The following CLIC5 variants were observed in gnomAD, a reference collection of about 807,000 sequenced individuals.
CLIC5 encodes the protein chloride intracellular channel protein 5.
A neutral mutation model predicts 24.7 loss-of-function variants in CLIC5; 20 were observed. The observed-to-expected ratio is 0.81, with a 90% CI of 0.57 to 1.18. CLIC5 has a LOEUF of 1.18. Ranked by LOEUF, CLIC5 falls within the 50% of genes most tolerant of loss-of-function variation. The probability of loss-of-function intolerance (pLI) is 0.00; values close to 1 mark genes in which losing one functional copy is unlikely to be tolerated. For synonymous variants in CLIC5, 159 were observed against 135.6 expected, an observed-to-expected ratio of 1.17 and a Z score of -1.20; for missense variants, 341 against 326.1, an observed-to-expected ratio of 1.05 and a Z score of -0.35.
chr6:45,892,071 T>C (rs2127284188), intron 6 of CLIC5: 2 of 152,312 alleles, frequency 1.3e-5, no homozygotes, highest in East Asian at 1.9e-4. Context: ...TTCATGACTT[T>C]ATGTTTGATC....
At chr6:46,123,168 A>G in the CLIC5 span, 2 of 152,268 alleles carry the variant, frequency 1.3e-5, no homozygotes, top group African/African-American at 4.8e-5. Flanking sequence ...ATGAATATCA[A>G]TGCAAAAATC....
At chr6:46,057,982 A>G (rs1768307462) in intron 1 of CLIC5, among the ~76,000 whole-genome samples, 1 of 152,110 alleles carries the variant, frequency 6.6e-6, no homozygotes, top group Non-Finnish European at 1.5e-5. Flanking sequence ...CAACTCACAC[A>G]TTGAGTTGTG....
At chr6:46,105,751 G>A in the CLIC5 span, among the ~76,000 whole-genome samples, 15 of 152,088 alleles carry the variant, frequency 9.9e-5, no homozygotes, top group Admixed American at 9.8e-4. Flanking sequence ...TTTGGCCTTG[G>A]GGATGCCAAG....
At chr6:46,014,082 C>T (rs1766904686) in intron 1 of CLIC5, among the ~76,000 whole-genome samples, 1 of 152,074 alleles carries the variant, frequency 6.6e-6, no homozygotes, top group South Asian at 2.1e-4. Context: ...CACACAGGGG[C>T]CACAGTGGGA....
At chr6:46,097,323 T>C in the CLIC5 span, 1 of 152,200 alleles carries the variant, frequency 6.6e-6, no homozygotes, top group Non-Finnish European at 1.5e-5. Flanking sequence ...TTCTGTATGC[T>C]GGAAATTTTT....
the CLIC5 span, among the ~76,000 whole-genome samples, chr6:46,094,997 C>G: frequency 4.6e-5 from 7 of 152,246 alleles, no homozygotes; most frequent in Non-Finnish European, 8.8e-5. Context: ...TGTGCACCCA[C>G]AGACTTAACA....
At chr6:46,115,832 T>C in the CLIC5 span, among the ~76,000 whole-genome samples, 1 of 152,238 alleles carries the variant, frequency 6.6e-6, no homozygotes. Flanking sequence ...ATGGCATTTA[T>C]GCCAGGTCAG....
At chr6:45,909,249 C>A (rs1031914604) in intron 5 of CLIC5, among the ~76,000 whole-genome samples, 26 of 152,078 alleles carry the variant, frequency 1.7e-4, no homozygotes, top group African/African-American at 6.3e-4. Context: ...CACTCTATGT[C>A]TTTCAAGTGG....
At chr6:46,006,002 A>T (rs1272723749) in intron 1 of CLIC5, among the ~76,000 whole-genome samples, 142 of 107,400 alleles carry the variant, frequency 1.3e-3, no homozygotes, top group African/African-American at 4.4e-3. Flanking sequence ...ATATATATTT[A>T]TATATATATA....
chr6:46,022,215 T>C (rs72857000), intron 1 of CLIC5, among the ~76,000 whole-genome samples: 6,188 of 152,240 alleles, frequency 0.041, 155 homozygotes, highest in South Asian at 0.081. Flanking sequence ...TACTGTAAAA[T>C]AATGATGATG....
chr6:45,980,772 GA>G (rs1397469692), intron 1 of CLIC5, among the ~76,000 whole-genome samples: 2 of 150,218 alleles, frequency 1.3e-5, no homozygotes, highest in Non-Finnish European at 3.0e-5. Flanking sequence ...TTTATAAATA[GA>G]AAAAAATATT....
At chr6:46,006,581 T>A (rs1766591147) in intron 1 of CLIC5, among the ~76,000 whole-genome samples, 1 of 152,158 alleles carries the variant, frequency 6.6e-6, no homozygotes, top group African/African-American at 2.4e-5. Context: ...TTCCTTTGCC[T>A]AGGACATTGC....
chr6:45,990,899 G>T (rs1413335710), intron 1 of CLIC5, among the ~76,000 whole-genome samples: 1 of 152,164 alleles, frequency 6.6e-6, no homozygotes, highest in Non-Finnish European at 1.5e-5. Context: ...TCTTGGAAAA[G>T]GGACTGGATC....
At chr6:46,022,925 A>G (rs1316921337) in intron 1 of CLIC5, among the ~76,000 whole-genome samples, 1 of 152,180 alleles carries the variant, frequency 6.6e-6, no homozygotes, top group Non-Finnish European at 1.5e-5. Flanking sequence ...TGGCTTTTCA[A>G]CTGGAGTGGA....
chr6:45,946,816 C>A (rs1281635968), intron 3 of CLIC5, among the ~76,000 whole-genome samples: 2 of 152,188 alleles, frequency 1.3e-5, no homozygotes, highest in Non-Finnish European at 1.5e-5. Context: ...CTGGGATGCT[C>A]TGGAATACTT....
chr6:45,894,171 G>A (rs1762374885), downstream of CLIC5, among the ~76,000 whole-genome samples: 1 of 152,200 alleles, frequency 6.6e-6, no homozygotes, highest in Admixed American at 6.5e-5. Flanking sequence ...TTATCAATTT[G>A]AGTAGAATTG....
chr6:45,943,697 G>A (rs1425092952), intron 3 of CLIC5, among the ~76,000 whole-genome samples: 1 of 152,234 alleles, frequency 6.6e-6, no homozygotes, highest in Non-Finnish European at 1.5e-5. Context: ...CAGACTTTCA[G>A]TCATCTGATC....
chr6:46,032,206 G>A (rs1057215896), intron 1 of CLIC5, among the ~76,000 whole-genome samples: 1 of 152,142 alleles, frequency 6.6e-6, no homozygotes, highest in African/African-American at 2.4e-5. Context: ...TATAGCAGGA[G>A]GAAGAGAGAG....
chr6:46,000,151 A>C (rs1195018791), intron 1 of CLIC5, among the ~76,000 whole-genome samples: 6 of 152,170 alleles, frequency 3.9e-5, no homozygotes, highest in Admixed American at 3.9e-4. Context: ...GTTGACTGTT[A>C]TGTTATCAGT....
Sources: allele counts gnomAD v4.1 joint callset (sites outside exome capture counted in the v4.1 genomes callset), GRCh38; gene constraint gnomAD v4.1.1; transcripts MANE v1.5; gene names NCBI Gene and HGNC (gene_info 2026-07-23, HGNC 2026-07-21).